RFTN1: variants seen among roughly 807,000 people sequenced by gnomAD.
The protein encoded by RFTN1 is raftlin, lipid raft linker 1.
Under a neutral mutation model 46.5 loss-of-function variants are expected in RFTN1, and 26 were observed. The ratio of observed to expected loss-of-function variants is 0.56; its 90% CI spans 0.41 to 0.78. RFTN1 has a LOEUF of 0.78. RFTN1 is among the 30% of genes least tolerant of loss of function. The pLI, the probability that RFTN1 is intolerant of heterozygous loss-of-function variation, is 0.00. For synonymous variants in RFTN1, 261 were observed against 284.2 expected (o/e 0.92, Z 0.82); for missense variants, 693 against 718.7 (o/e 0.96, Z 0.41).
intron 8 of RFTN1, among the ~76,000 whole-genome samples, chr3:16,324,607 T>C (rs1444866576): frequency 3.5e-5 from 4 of 114,480 alleles, no homozygotes; most frequent in Admixed American, 9.1e-5. Flanking sequence ...TAACAGAATG[T>C]CCCTGACCCC....
rs1446469062 is a variant in RFTN1 at position 16,387,890 on chromosome 3, G to C, written c.442-9788C>G. Among the ~76,000 whole-genome samples the C allele has an allele frequency of 1.3e-5, 2 of 152,002 alleles. No individual in the cohort carries two copies. Among genetic ancestry groups the C allele is most frequent in the East Asian group, 3.9e-4 (2 of 5,184 alleles). ...GCTCATGCATTCCCCTCCTCCTGGAGATGCTCTTCCTTGGCCTCACCACCA... is the reference window on the plus strand; with the variant it reads ...GCTCATGCATTCCCCTCCTCCTGGACATGCTCTTCCTTGGCCTCACCACCA... On this transcript the variant is annotated intron_variant, in intron 4 of 9. Transcript: ENST00000334133. This position sits in a 1 kb window ranked among gnomAD's most constrained non-coding sequence, Gnocchi z 5.2.
chr3:16,323,134 CCT>C (rs1324543224), intron 9 of RFTN1, among the ~76,000 whole-genome samples: 1 of 152,150 alleles, frequency 6.6e-6, no homozygotes, highest in Non-Finnish European at 1.5e-5. Flanking sequence ...TCCAGAAGAG[CCT>C]CTCTCCTCCA....
chr3:16,490,758 A>C (rs2076527745), intron 2 of RFTN1, among the ~76,000 whole-genome samples: 1 of 152,236 alleles, frequency 6.6e-6, no homozygotes, highest in African/African-American at 2.4e-5. Flanking sequence ...ATGTCCAATA[A>C]AAGGGGACTG....
chr3:16,339,654 T>C (rs904967286), intron 7 of RFTN1: 1 of 152,160 alleles, frequency 6.6e-6, no homozygotes, highest in Non-Finnish European at 1.5e-5. Flanking sequence ...CCAATCCTAT[T>C]TGGGGTCCTC....
At chr3:16,325,325 C>A (rs1435703209) in intron 8 of RFTN1, among the ~76,000 whole-genome samples, 1 of 152,196 alleles carries the variant, frequency 6.6e-6, no homozygotes, top group Non-Finnish European at 1.5e-5. Context: ...AGTCTCCATT[C>A]CACCGTAAGT....
chr3:16,448,552 A>G lies in RFTN1; in HGVS notation c.146-14515T>C, dbSNP rs145196770. On this transcript the variant is annotated intron_variant, in intron 2 of 9. Coordinates refer to ENST00000334133, the MANE Select transcript of RFTN1 (RefSeq NM_015150.2). This position sits in a 1 kb window ranked among gnomAD's most constrained non-coding sequence, Gnocchi z 4.1. ...AGAGTAACCTTCCTTGAAGCACATT[A>G]AATTTTTTTTCTTAACTAACTGTCG... Among the ~76,000 whole-genome samples the G allele has an allele frequency of 6.6e-5, 10 of 152,344 alleles. No homozygotes were observed. Among genetic ancestry groups the G allele is most frequent in the African/African-American group, 2.2e-4 (9 of 41,572 alleles).
chr3:16,462,102 T>A (rs1190925611), intron 2 of RFTN1, among the ~76,000 whole-genome samples: 2 of 152,210 alleles, frequency 1.3e-5, no homozygotes, highest in Admixed American at 1.3e-4. Context: ...ATGCGTGGGT[T>A]CAAATCCTGG....
chr3:16,327,180 G>A lies in RFTN1; in HGVS notation c.1147-304C>T, dbSNP rs185018815. On this transcript the variant is annotated intron_variant, in intron 7 of 9. Transcript: ENST00000334133. The surrounding 1 kb of genome is among the most constrained non-coding windows in gnomAD (Gnocchi z 4.2). ...CAAATAGCCTCCTGTGAGTTTCACT[G>A]ACGAAGCATAACTGTCTCACCTCTG... Among the ~76,000 whole-genome samples, 2 of 152,296 alleles carry A rather than the reference G, an allele frequency of 1.3e-5. No homozygotes were observed. The highest frequency in any genetic ancestry group is 3.9e-4 in the East Asian group (2 of 5,186).
rs76707709 is a variant in RFTN1 at position 16,426,569 on chromosome 3, C to T, written c.332+7282G>A. Among the ~76,000 whole-genome samples the T allele has an allele frequency of 0.066, 9,980 of 151,684 alleles. 746 individuals carry two copies. Among genetic ancestry groups the T allele is most frequent in the African/African-American group, 0.19 (7,706 of 41,300 alleles). On this transcript the variant is annotated intron_variant, in intron 3 of 9. Transcript: ENST00000334133. The surrounding 1 kb of genome is among the most constrained non-coding windows in gnomAD (Gnocchi z 5.9). ...AGATTTCCTTTCTTTGAAGGCCATC[C>T]TTTGAATGTCTTTTAAAAGAAAAAG...
chr3:16,378,090 C>T lies in RFTN1; in HGVS notation c.454G>A (p.Ala152Thr). 1 of 1,610,710 alleles carries T rather than the reference C, an allele frequency of 6.2e-7. No individual in the cohort carries two copies. Among genetic ancestry groups the T allele is most frequent in the Non-Finnish European group, 8.5e-7 (1 of 1,177,002 alleles). The change falls in exon 5 of 10, where the codon GCA becomes ACA. Residue 152 changes from alanine to threonine, a missense_variant. Ala to Thr is a moderately conservative substitution (Grantham distance 58, BLOSUM62 0). Transcript: ENST00000334133. ...PEFIKKIQEAASQGLKFVGVI... is the reference protein window; with the variant it reads ...PEFIKKIQEATSQGLKFVGVI... ...CCAACGAATTTCAGGCCCTGGCTTGCAGCCTCCTGGATCTGTGAGGCAAAC... is the reference window on the plus strand; with the variant it reads ...CCAACGAATTTCAGGCCCTGGCTTGTAGCCTCCTGGATCTGTGAGGCAAAC...
rs1198193809 is a variant in RFTN1 at position 16,433,800 on chromosome 3, GC to G, written c.332+50del. The G allele has an allele frequency of 3.2e-6, 5 of 1,579,450 alleles. No homozygotes were observed. The highest frequency in any genetic ancestry group is 4.4e-6 in the Non-Finnish European group (5 of 1,149,090). On this transcript the variant is annotated intron_variant, in intron 3 of 9. Transcript: ENST00000334133. The surrounding 1 kb of genome is among the most constrained non-coding windows in gnomAD (Gnocchi z 4.4). The stretch of plus-strand genomic sequence containing the variant: ...CCTCTCACTTCCCCTCCTCTATTGA[GC>G]ATAACTTAGCCGCAACAGGATGCTA...
intron 4 of RFTN1, among the ~76,000 whole-genome samples, chr3:16,390,242 C>A (rs565812486): frequency 6.6e-6 from 1 of 152,162 alleles, no homozygotes; most frequent in Admixed American, 6.5e-5. Flanking sequence ...CTAATCCATA[C>A]CCACAGGAAA....
At chr3:16,477,260 C>T in intron 2 of RFTN1, among the ~76,000 whole-genome samples, 1 of 152,104 alleles carries the variant, frequency 6.6e-6, no homozygotes, top group Non-Finnish European at 1.5e-5. Context: ...GGGGATTTTC[C>T]ACAGTTTCAT....
At position 16,420,307 on chromosome 3, in the gene RFTN1, T is replaced by C. The variant is rs577225987; in HGVS notation, c.333-10824A>G. On this transcript the variant is annotated intron_variant, in intron 3 of 9. Coordinates refer to ENST00000334133, the MANE Select transcript of RFTN1 (RefSeq NM_015150.2). ...GAATGCTGCAAGTCTCTCCTTTACATTGACAGATGTAGAAAGAACTAATAT... is the reference window on the plus strand; with the variant it reads ...GAATGCTGCAAGTCTCTCCTTTACACTGACAGATGTAGAAAGAACTAATAT... 3.3e-5 allele frequency among the ~76,000 whole-genome samples: 5 copies of C among 152,348 alleles called. No homozygotes were observed. The East Asian group carries it at 5.8e-4, about 18-fold the overall frequency.
rs2073985481 is a variant in RFTN1 at position 16,381,333 on chromosome 3, A to C, written c.442-3231T>G. On this transcript the variant is annotated intron_variant, in intron 4 of 9. Coordinates refer to ENST00000334133, the MANE Select transcript of RFTN1 (RefSeq NM_015150.2). The surrounding 1 kb of genome is among the most constrained non-coding windows in gnomAD (Gnocchi z 4.2). ...GTTACTTTTAGAATTGAAAAAGTAA[A>C]TATTGTAAAAATTCCTCATAGAGGA... Among the ~76,000 whole-genome samples the C allele has an allele frequency of 6.6e-6, 1 of 152,218 alleles. No homozygotes were observed. Among genetic ancestry groups the C allele is most frequent in the Admixed American group, 6.5e-5 (1 of 15,288 alleles).
rs1459964560 is a variant in RFTN1 at position 16,329,587 on chromosome 3, T to C, written c.1147-2711A>G. 1.3e-5 allele frequency among the ~76,000 whole-genome samples: 2 copies of C among 152,146 alleles called. No individual in the cohort carries two copies. Among genetic ancestry groups the C allele is most frequent in the Non-Finnish European group, 2.9e-5 (2 of 68,024 alleles). On this transcript the variant is annotated intron_variant, in intron 7 of 9. Transcript: ENST00000334133. This position sits in a 1 kb window ranked among gnomAD's most constrained non-coding sequence, Gnocchi z 4.5. ...AGACCAGCACAGCCCGTATTCCTCC[T>C]GCTGGGTGCCACGCTCACCACCTGC...
At position 16,512,216 on chromosome 3, in the gene RFTN1, G is replaced by T. The variant is rs1161085523; in HGVS notation, c.-9+1226C>A. Reference sequence around the variant, plus strand: ...GGCAGCAGAGAGGCCCTACCCACAGGCCCAGAGGTCGCTCACATTACACCC... The same window carrying T: ...GGCAGCAGAGAGGCCCTACCCACAGTCCCAGAGGTCGCTCACATTACACCC... On this transcript the variant is annotated intron_variant, in intron 1 of 9. Coordinates refer to ENST00000334133, the MANE Select transcript of RFTN1 (RefSeq NM_015150.2). The surrounding 1 kb of genome is among the most constrained non-coding windows in gnomAD (Gnocchi z 4.3). Among the ~76,000 whole-genome samples the T allele has an allele frequency of 1.3e-5, 2 of 152,202 alleles. No individual in the cohort carries two copies. The highest frequency in any genetic ancestry group is 2.9e-5 in the Non-Finnish European group (2 of 68,010).
Position 16,474,855 on chromosome 3 carries a change from T to C in RFTN1, c.145+18870A>G, listed in dbSNP as rs1354454051. On this transcript the variant is annotated intron_variant, in intron 2 of 9. Transcript: ENST00000334133. The surrounding 1 kb of genome is among the most constrained non-coding windows in gnomAD (Gnocchi z 5.5). ...AGTTCTATTTCTTCCCCAGCCAGAA[T>C]ACACAGGACTAGCCATCAAGGGGTA... 6.6e-6 allele frequency among the ~76,000 whole-genome samples: 1 copy of C among 152,202 alleles called. No homozygotes were observed. The highest frequency in any genetic ancestry group is 1.5e-5 in the Non-Finnish European group (1 of 68,026).
rs1224689232 is a variant in RFTN1 at position 16,387,570 on chromosome 3, T to TTCTTTC, written c.442-9469_442-9468insGAAAGA. On this transcript the variant is annotated intron_variant, in intron 4 of 9. Coordinates refer to ENST00000334133, the MANE Select transcript of RFTN1 (RefSeq NM_015150.2). The surrounding 1 kb of genome is among the most constrained non-coding windows in gnomAD (Gnocchi z 5.2). ...CACTTCTCTCTTCTATATCCTCAAT[T>TTCTTTC]TCTCTCTCTCTCTCTCTCTCTCTCT... Among the ~76,000 whole-genome samples the TTCTTTC allele has an allele frequency of 4.3e-5, 5 of 116,418 alleles. No homozygotes were observed. Among genetic ancestry groups the TTCTTTC allele is most frequent in the African/African-American group, 2.0e-4 (5 of 25,514 alleles). 76.4% of individuals were successfully genotyped at this position (116,418 alleles called of 152,430 possible). A position where few individuals can be genotyped will look rare whatever the true frequency, so the allele number is the denominator to read the frequency against.
Sources: gnomAD v4.1 joint callset for allele counts (sites outside exome capture counted in the v4.1 genomes callset) on GRCh38, gnomAD v4.1.1 for gene constraint, Gnocchi (gnomAD v3.1) non-coding constraint, MANE v1.5 for transcripts, NCBI Gene and HGNC (gene_info 2026-07-23, HGNC 2026-07-21) for gene names.